TUT1: variants seen among roughly 807,000 people sequenced by gnomAD.
The protein encoded by TUT1 is terminal uridylyl transferase 1, U6 snRNA-specific.
In TUT1, 26 loss-of-function variants were observed where a neutral mutation model predicts 48.8. That is an observed-to-expected ratio of 0.53 (90% CI 0.39 to 0.74). TUT1 has a LOEUF of 0.74. TUT1 is among the 30% of genes least tolerant of loss of function. TUT1 has a pLI of 0.00. For synonymous variants in TUT1, 470 were observed against 460.8 expected, an observed-to-expected ratio of 1.02 and a Z score of -0.26; for missense variants, 1,065 against 1,114.8, an observed-to-expected ratio of 0.96 and a Z score of 0.64.
chr11:62,589,221 C>A lies in TUT1; in HGVS notation c.83G>T (p.Arg28Leu). 6.2e-7 allele frequency: 1 copy of A among 1,613,694 alleles called. No homozygotes were observed. Among genetic ancestry groups the A allele is most frequent in the East Asian group, 2.2e-5 (1 of 44,874 alleles). The change falls in exon 2 of 9, where the codon CGA becomes CTA. Residue 28 changes from arginine to leucine, a missense_variant and splice_region_variant. Coordinates refer to ENST00000476907, the MANE Select transcript of TUT1 (RefSeq NM_022830.3). ...TCCCAAGTGGGCATCAAGGCTGGGTCCTGCAAAGACAAGTGTGAGACAAAA... is the reference window on the plus strand; with the variant it reads ...TCCCAAGTGGGCATCAAGGCTGGGTACTGCAAAGACAAGTGTGAGACAAAA... ...CCLCHVTTAN[R>L]PSLDAHLGGR...
rs1169563959 is a variant in TUT1 at position 62,578,882 on chromosome 11, G to A, written c.839C>T (p.Thr280Ile). Residue 280 changes from threonine to isoleucine, a missense_variant, in exon 5 of 9, where the codon ACC becomes ATC. By Grantham distance (89) the Thr-to-Ile change is moderately conservative (BLOSUM62 -1). Coordinates refer to ENST00000476907, the MANE Select transcript of TUT1 (RefSeq NM_022830.3). Reference protein sequence around the residue: ...PQDSEALDFETPSSSLAPQTP... With the variant: ...PQDSEALDFEIPSSSLAPQTP... ...TTGGGGCGCCAGGGAGGAGGAAGGG[G>A]TTTCAAAGTCCAGGGCTTCAGAATC... The A allele has an allele frequency of 1.2e-6, 2 of 1,608,270 alleles. No homozygotes were observed. The highest frequency in any genetic ancestry group is 8.5e-7 in the Non-Finnish European group (1 of 1,176,912).
In TUT1 at chr11:62,579,023, G is replaced by C. The variant is rs765468114; in HGVS notation, c.698C>G (p.Pro233Arg). The C allele has an allele frequency of 6.6e-7, 1 of 1,511,474 alleles. No individual in the cohort carries two copies. Among genetic ancestry groups the C allele is most frequent in the Non-Finnish European group, 8.8e-7 (1 of 1,131,000 alleles). The allele number at this position is 1,511,474 out of a possible 1,614,324, so 93.6% of individuals were successfully genotyped here. ...LGDLEEPQPV[P>R]KAPESPSLDS... ...CAGCGATGGAGATTCTGGAGCCTTT[G>C]GGACTGGCTGTGGACAGAAATGAAC... The change falls in exon 5 of 9, where the codon CCA (proline) becomes CGA (arginine). Residue 233 changes from proline (P) to arginine (R), a missense_variant. Physicochemically the swap from Pro to Arg is moderately radical, Grantham distance 103. Coordinates refer to ENST00000476907, the MANE Select transcript of TUT1 (RefSeq NM_022830.3).
At chr11:62,576,584 A>G in intron 8 of TUT1, 73 bp downstream of exon 8, 1 of 1,278,420 alleles carries the variant, frequency 7.8e-7, no homozygotes, top group African/African-American at 1.5e-5. Context: ...CCTGGCACAC[A>G]GTTAGTGTGA....
intron 2 of TUT1, among the ~76,000 whole-genome samples, chr11:62,586,743 T>C (rs766758431): frequency 2.0e-5 from 3 of 151,536 alleles, no homozygotes; most frequent in Middle Eastern, 3.4e-3. Flanking sequence ...TGGTGAAACC[T>C]GGTCTCTACT....
rs547069441 is a variant in TUT1, at chr11:62,575,092, C to G, written c.*2G>C. ...CTTTATTGCCCTTCAGGGGCCATGT[C>G]TTCACTTGAGATGTCGAATTGCTTG... On this transcript the variant is annotated 3_prime_UTR_variant, in exon 9 of 9. Transcript: ENST00000476907. The G allele has an allele frequency of 3.0e-5, 46 of 1,558,276 alleles. No individual in the cohort carries two copies. The African/African-American group carries it at 5.3e-4, about 18-fold the overall frequency.
intron 2 of TUT1, among the ~76,000 whole-genome samples, chr11:62,587,780 C>T (rs1941944805): frequency 6.6e-6 from 1 of 152,194 alleles, no homozygotes; most frequent in African/African-American, 2.4e-5. Context: ...GCCATGCCTA[C>T]ATAACAAGAG....
chr11:62,585,718 C>T lies in TUT1; in HGVS notation c.273+3313G>A, dbSNP rs548176933. Among the ~76,000 whole-genome samples, 3 of 152,280 alleles carry T rather than the reference C, an allele frequency of 2.0e-5. No homozygotes were observed. In the South Asian group the frequency reaches 6.2e-4, roughly 32 times the overall value. On this transcript the variant is annotated intron_variant, in intron 2 of 8. Transcript: ENST00000476907. ...TGGTGGCAGGCGCCTGTAAACCCAGCTACTCAGGAGGCAGAGGTTGCAGTG... is the reference window on the plus strand; with the variant it reads ...TGGTGGCAGGCGCCTGTAAACCCAGTTACTCAGGAGGCAGAGGTTGCAGTG...
chr11:62,575,966 G>C lies in TUT1; in HGVS notation c.1753C>G (p.Arg585Gly). The change falls in exon 9 of 9, where the codon CGG becomes GGG. Residue 585 changes from arginine (R) to glycine (G), a missense_variant. Coordinates refer to ENST00000476907, the MANE Select transcript of TUT1 (RefSeq NM_022830.3). The stretch of plus-strand genomic sequence containing the variant: ...GGGAGCAGCCCCCAGTCCCGACCCC[G>C]GGAGGAACGGCGCTGGTACTGGAGG... ...RSLQYQRRSSRGRDWGLLPLL... is the reference protein window; with the variant it reads ...RSLQYQRRSSGGRDWGLLPLL... 1 of 1,614,084 alleles carries C rather than the reference G, an allele frequency of 6.2e-7. No individual in the cohort carries two copies. The highest frequency in any genetic ancestry group is 8.5e-7 in the Non-Finnish European group (1 of 1,180,026).
chr11:62,591,412 GT>G lies in TUT1; in HGVS notation c.73del (p.Thr25GlnfsTer20). ...CACTAGCCACCGCTTACGGTTGGCT[GT>G]AGTAACGTGGCAGAGGCAGCAGCGG... ...GFRCCLCHVT[T>X]ANRPSLDAHL... On this transcript the variant is annotated frameshift_variant, in exon 1 of 9. Coordinates refer to ENST00000476907, the MANE Select transcript of TUT1 (RefSeq NM_022830.3). LOFTEE classifies it high-confidence loss of function. 1 of 1,597,072 alleles carries G rather than the reference GT, an allele frequency of 6.3e-7. No individual in the cohort carries two copies. The highest frequency in any genetic ancestry group is 8.5e-7 in the Non-Finnish European group (1 of 1,172,568).
rs1555044761 is a variant in TUT1, at chr11:62,575,655, C to T, written c.2064G>A (p.Arg688=). ...CAACCTCTATAACCATCTCTTCTAC[C>T]CTGTCTTCCCCACCGTCCCCTGCAC... ...QGCAGDGGED[R]VEEMVIEVGE... is the part of the protein sequence containing the mutation. The change falls in exon 9 of 9, where the codon AGG becomes AGA. Residue 688 remains arginine (R), a synonymous_variant. Coordinates refer to ENST00000476907, the MANE Select transcript of TUT1 (RefSeq NM_022830.3). 2 of 1,614,216 alleles carry T rather than the reference C, an allele frequency of 1.2e-6. No individual in the cohort carries two copies. Among genetic ancestry groups the T allele is most frequent in the South Asian group, 2.2e-5 (2 of 91,090 alleles).
At chr11:62,587,692 G>T (rs1941943410) in intron 2 of TUT1, among the ~76,000 whole-genome samples, 1 of 152,190 alleles carries the variant, frequency 6.6e-6, no homozygotes. Flanking sequence ...GTTGCTGAAT[G>T]CAATCCCTAA....
intron 2 of TUT1, among the ~76,000 whole-genome samples, chr11:62,584,329 C>T (rs940437516): frequency 6.6e-6 from 1 of 151,896 alleles, no homozygotes; most frequent in Non-Finnish European, 1.5e-5. Flanking sequence ...GGTTTCACCA[C>T]ATTAGCCAGG....
chr11:62,591,333 C>A (rs1942009773), intron 1 of TUT1, 71 bp downstream of exon 1: 2 of 1,488,450 alleles, frequency 1.3e-6, no homozygotes, highest in South Asian at 2.8e-5. Flanking sequence ...TACCTATAAC[C>A]CTAACTTTCG....
chr11:62,577,769 G>C (rs1190661839), intron 5 of TUT1, among the ~76,000 whole-genome samples: 3 of 152,136 alleles, frequency 2.0e-5, no homozygotes, highest in Admixed American at 6.5e-5. Context: ...TACATCCCTT[G>C]AAAGTAGTAT....
At chr11:62,589,659 A>G (rs778636117) in intron 1 of TUT1, among the ~76,000 whole-genome samples, 4 of 152,240 alleles carry the variant, frequency 2.6e-5, no homozygotes, top group African/African-American at 7.2e-5. Flanking sequence ...GAACAGTGTG[A>G]TAGTAAAGTA....
chr11:62,577,345 A>AC, intron 5 of TUT1, 54 bp from the exon 6 acceptor site: 2 of 1,396,994 alleles, frequency 1.4e-6, no homozygotes, highest in Non-Finnish European at 2.0e-6. Context: ...AGAACCTACC[A>AC]CCCCCAGCTT....
At chr11:62,584,997 T>C (rs1590721988) in intron 2 of TUT1, among the ~76,000 whole-genome samples, 1 of 151,712 alleles carries the variant, frequency 6.6e-6, no homozygotes, top group East Asian at 2.0e-4. Context: ...AATTTTTTTG[T>C]ATTTTTAGTA....
intron 5 of TUT1, among the ~76,000 whole-genome samples, chr11:62,577,688 G>A (rs764778781): frequency 2.0e-5 from 3 of 152,100 alleles, no homozygotes; most frequent in Non-Finnish European, 2.9e-5. Flanking sequence ...AGGGGCGAAG[G>A]GAGGAAATGG....
chr11:62,584,911 T>C (rs942356689), intron 2 of TUT1, among the ~76,000 whole-genome samples: 1 of 151,972 alleles, frequency 6.6e-6, no homozygotes, highest in African/African-American at 2.4e-5. Flanking sequence ...AACCTCCGCC[T>C]CTCGGGTTCA....
Sources: allele counts gnomAD v4.1 joint callset (sites outside exome capture counted in the v4.1 genomes callset), GRCh38; gene constraint gnomAD v4.1.1; transcripts MANE v1.5; gene names NCBI Gene and HGNC (gene_info 2026-07-23, HGNC 2026-07-21).